CCDC88C: variants seen among roughly 807,000 people sequenced by gnomAD.
CCDC88C encodes protein Daple.
In CCDC88C, 131 loss-of-function variants were observed where a neutral mutation model predicts 198.8. The observed-to-expected ratio is 0.66, with a 90% confidence interval of 0.57 to 0.76. CCDC88C has a LOEUF of 0.76. Ranked by LOEUF, CCDC88C falls within the 30% of genes least tolerant of loss-of-function variation. CCDC88C has a pLI of 0.00. For missense variants in CCDC88C, 2,553 were observed against 2,631.6 expected (o/e 0.97, Z 0.65); for synonymous variants, 1,166 against 1,114.7 (o/e 1.05, Z -0.92).
chr14:91,274,223 C>G (rs972755425), intron 29 of CCDC88C, among the ~76,000 whole-genome samples: 3 of 151,728 alleles, frequency 2.0e-5, no homozygotes, highest in Admixed American at 1.3e-4. Flanking sequence ...GGGTGGGGGA[C>G]AGAGAGGTAC....
At chr14:91,363,116 T>C (rs1218063258) in intron 3 of CCDC88C, among the ~76,000 whole-genome samples, 2 of 152,182 alleles carry the variant, frequency 1.3e-5, no homozygotes, top group Non-Finnish European at 2.9e-5. Context: ...ATGCCAGGGC[T>C]GTCCAGCAAT....
intron 3 of CCDC88C, among the ~76,000 whole-genome samples, chr14:91,398,617 A>C (rs1211297077): frequency 1.3e-5 from 2 of 152,164 alleles, no homozygotes; most frequent in Non-Finnish European, 2.9e-5. Context: ...TGATCGCGCC[A>C]CTGCACTCCA....
At chr14:91,293,575 T>TTCCTGCCCCCTCGCCTGCCATGGCCCACC (rs1567055956) in intron 23 of CCDC88C, among the ~76,000 whole-genome samples, 1 of 121,494 alleles carries the variant, frequency 8.2e-6, no homozygotes, top group East Asian at 2.4e-4. Context: ...ACGGCCCACC[T>TTCCTGCCCCCTCGCCTGCCATGGCCCACC]TCCTGTCCCC....
At chr14:91,340,995 TA>T (rs1196909372) in intron 6 of CCDC88C, among the ~76,000 whole-genome samples, 1 of 151,188 alleles carries the variant, frequency 6.6e-6, no homozygotes. Flanking sequence ...AGGCTGTCTC[TA>T]AAAAAAAGAG....
intron 29 of CCDC88C, among the ~76,000 whole-genome samples, chr14:91,274,898 C>T (rs1375130202): frequency 6.6e-6 from 1 of 152,184 alleles, no homozygotes; most frequent in Admixed American, 6.5e-5. Context: ...CTGCCTGACT[C>T]CAGAGCTGCT....
rs1890042111 is a variant in CCDC88C at position 91,278,110 on chromosome 14, C to T, written c.4870G>A (p.Gly1624Arg). The stretch of plus-strand genomic sequence containing the variant: ...TCGTGGCGGCCGAGGGCGTTGCGTC[C>T]CGGTGTGCTGGCTTCCCGGGGCAAA... Reference protein sequence around the residue: ...ATLPREASTPGRNALGRHEYP... With the variant: ...ATLPREASTPRRNALGRHEYP... The change falls in exon 29 of 30, where the codon GGA becomes AGA. Residue 1624 changes from glycine (G) to arginine (R), a missense_variant. Gly to Arg is a moderately radical substitution (Grantham distance 125, BLOSUM62 -2). Coordinates refer to ENST00000389857, the MANE Select transcript of CCDC88C (RefSeq NM_001080414.4). The T allele has an allele frequency of 1.2e-6, 2 of 1,613,162 alleles. No individual in the cohort carries two copies. Among genetic ancestry groups the T allele is most frequent in the Non-Finnish European group, 1.7e-6 (2 of 1,179,668 alleles).
chr14:91,274,340 G>A (rs746416808), intron 29 of CCDC88C, among the ~76,000 whole-genome samples: 21 of 152,344 alleles, frequency 1.4e-4, no homozygotes, highest in South Asian at 4.1e-4. Context: ...GCTGCCGCCC[G>A]GGCTGTGCTT....
chr14:91,406,934 C>G (rs1001412049), intron 3 of CCDC88C, among the ~76,000 whole-genome samples: 11 of 152,232 alleles, frequency 7.2e-5, no homozygotes, highest in Non-Finnish European at 1.2e-4. Context: ...CCTCGGCCCC[C>G]ACCTCAGACA....
Position 91,273,666 on chromosome 14 carries a change from G to A in CCDC88C, c.5059-13C>T, listed in dbSNP as rs752001413. On this transcript the variant is annotated splice_polypyrimidine_tract_variant and intron_variant, in intron 29 of 29. Transcript: ENST00000389857. The surrounding 1 kb of genome is among the most constrained non-coding windows in gnomAD (Gnocchi z 5.6). Reference sequence around the variant, plus strand: ...AACTGGGAGTGTCCTACGGAGAAGAGAGTGAAGGTTGGAGGTGGGCATGAG... The same window carrying A: ...AACTGGGAGTGTCCTACGGAGAAGAAAGTGAAGGTTGGAGGTGGGCATGAG... The A allele has an allele frequency of 5.5e-6, 8 of 1,447,914 alleles. No individual in the cohort carries two copies. The East Asian group carries it at 2.0e-4, about 36-fold the overall frequency. The allele number at this position is 1,447,914 out of a possible 1,614,324, so 89.7% of individuals were successfully genotyped here.
chr14:91,326,358 G>A (rs559458513), intron 10 of CCDC88C, among the ~76,000 whole-genome samples: 17 of 152,200 alleles, frequency 1.1e-4, no homozygotes, highest in South Asian at 8.3e-4. Flanking sequence ...AATTACAGGC[G>A]CCTGCTATCG....
At chr14:91,389,746 A>G (rs900417893) in intron 3 of CCDC88C, among the ~76,000 whole-genome samples, 3 of 151,534 alleles carry the variant, frequency 2.0e-5, no homozygotes, top group Non-Finnish European at 4.4e-5. Context: ...AAAGAAAGAA[A>G]AAGAACGAAA....
At position 91,342,364 on chromosome 14, in the gene CCDC88C, G is replaced by T. The variant is rs146047985; in HGVS notation, c.483+16C>A. ...AGCAGTCCACAGCTGAGCCCACCAC[G>T]AGGCCACGCACCTACCTCCTGGATA... On this transcript the variant is annotated intron_variant, in intron 6 of 29. Transcript: ENST00000389857. 16 of 1,545,440 alleles carry T rather than the reference G, an allele frequency of 1.0e-5. No individual in the cohort carries two copies. The highest frequency in any genetic ancestry group is 2.7e-5 in the African/African-American group (2 of 73,324).
In CCDC88C at chr14:91,278,043, G is replaced by A. The variant is rs754122901; in HGVS notation, c.4937C>T (p.Ala1646Val). 2.5e-6 allele frequency: 4 copies of A among 1,607,912 alleles called. No homozygotes were observed. Among genetic ancestry groups the A allele is most frequent in the South Asian group, 1.1e-5 (1 of 89,974 alleles). Residue 1646 changes from alanine to valine, a missense_variant, in exon 29 of 30, where the codon GCC becomes GTC. By Grantham distance (64) the Ala-to-Val change is moderately conservative (BLOSUM62 0). Transcript: ENST00000389857. Reference protein sequence around the residue: ...PRNGPLPQEGAQKRGTAPPYV... With the variant: ...PRNGPLPQEGVQKRGTAPPYV... ...GGGAGGGGCTGTGCCCCTCTTCTGG[G>A]CACCCTCCTGTGGGAGAGGCCCGTT...
chr14:91,381,502 G>A lies in CCDC88C; in HGVS notation c.271-21791C>T, dbSNP rs1005093386. On this transcript the variant is annotated intron_variant, in intron 3 of 29. Coordinates refer to ENST00000389857, the MANE Select transcript of CCDC88C (RefSeq NM_001080414.4). The surrounding 1 kb of genome is among the most constrained non-coding windows in gnomAD (Gnocchi z 4.2). ...GGCAGCAACACTTTCTGCCCCAGGTGGCCCCTGCAGGGGACTGCAGACTGT... is the reference window on the plus strand; with the variant it reads ...GGCAGCAACACTTTCTGCCCCAGGTAGCCCCTGCAGGGGACTGCAGACTGT... Among the ~76,000 whole-genome samples the A allele has an allele frequency of 6.6e-6, 1 of 152,220 alleles. No individual in the cohort carries two copies. The highest frequency in any genetic ancestry group is 2.4e-5 in the African/African-American group (1 of 41,460).
chr14:91,281,060 G>A (rs1227292225), intron 27 of CCDC88C: 4 of 432,534 alleles, frequency 9.2e-6, no homozygotes, highest in Non-Finnish European at 1.9e-5. Context: ...AATGACAAGT[G>A]CTTCTAACAA....
At chr14:91,398,666 T>C (rs1885990914) in intron 3 of CCDC88C, among the ~76,000 whole-genome samples, 1 of 151,732 alleles carries the variant, frequency 6.6e-6, no homozygotes, top group South Asian at 2.1e-4. Flanking sequence ...CAAAAATAAA[T>C]AAATAAAAAG....
At chr14:91,374,074 G>A (rs1894963122) in intron 3 of CCDC88C, among the ~76,000 whole-genome samples, 1 of 152,212 alleles carries the variant, frequency 6.6e-6, no homozygotes, top group Non-Finnish European at 1.5e-5. Context: ...TCTGCACAGT[G>A]TGGCCCACAG....
intron 3 of CCDC88C, among the ~76,000 whole-genome samples, chr14:91,403,863 G>A (rs569416274): frequency 2.0e-5 from 3 of 152,372 alleles, no homozygotes; most frequent in Admixed American, 6.5e-5. Context: ...CCAGTGGAGG[G>A]GGAGGTTGCA....
rs529846770 is a variant in CCDC88C at position 91,381,963 on chromosome 14, C to T, written c.271-22252G>A. On this transcript the variant is annotated intron_variant, in intron 3 of 29. Coordinates refer to ENST00000389857, the MANE Select transcript of CCDC88C (RefSeq NM_001080414.4). This position sits in a 1 kb window ranked among gnomAD's most constrained non-coding sequence, Gnocchi z 4.2. Reference sequence around the variant, plus strand: ...TGAACAGCCCATTTTATCACGACATCTTGTCTTCATTGTTTCACACTTTGA... The same window carrying T: ...TGAACAGCCCATTTTATCACGACATTTTGTCTTCATTGTTTCACACTTTGA... Among the ~76,000 whole-genome samples, 1 of 152,302 alleles carries T rather than the reference C, an allele frequency of 6.6e-6. No homozygotes were observed. The highest frequency in any genetic ancestry group is 2.1e-4 in the South Asian group (1 of 4,828).
Sources: allele counts gnomAD v4.1 joint callset (sites outside exome capture counted in the v4.1 genomes callset), GRCh38; gene constraint gnomAD v4.1.1; non-coding constraint Gnocchi (gnomAD v3.1); transcripts MANE v1.5; gene names NCBI Gene and HGNC (gene_info 2026-07-23, HGNC 2026-07-21).